TNRC6A: variants seen among roughly 807,000 people sequenced by gnomAD.
The protein encoded by TNRC6A is trinucleotide repeat-containing gene 6A protein.
TNRC6A carries 44 observed loss-of-function variants against 221.2 expected under a neutral mutation model. The observed-to-expected ratio is 0.20, with a 90% confidence interval of 0.16 to 0.26. The LOEUF is 0.26. Among genes scored for constraint, TNRC6A ranks in the 10% least tolerant of loss-of-function variants. TNRC6A has a pLI of 1.00. For synonymous variants in TNRC6A, 847 were observed against 838.5 expected (o/e 1.01, Z -0.18); for missense variants, 2,199 against 2,404.4 (o/e 0.91, Z 1.79).
At chr16:24,700,614 C>T (rs1272782661) in intron 2 of TNRC6A, among the ~76,000 whole-genome samples, 1 of 152,068 alleles carries the variant, frequency 6.6e-6, no homozygotes, top group Non-Finnish European at 1.5e-5. Context: ...CTTGCTGCAC[C>T]CCTGAACCCT....
chr16:24,675,698 CTCTCTATATATATATATATATA>C (rs1480518240), intron 2 of TNRC6A, among the ~76,000 whole-genome samples: 35 of 66,600 alleles, frequency 5.3e-4, no homozygotes, highest in African/African-American at 1.8e-3. Flanking sequence ...CTCTCTCTCT[CTCTCTATATATATATATATATA>C]TATATATATA....
chr16:24,744,007 C>T (rs2056949210), intron 2 of TNRC6A, among the ~76,000 whole-genome samples: 1 of 152,146 alleles, frequency 6.6e-6, no homozygotes, highest in African/African-American at 2.4e-5. Context: ...ATTTAGTTTT[C>T]ATGTTTGTTT....
At chr16:24,733,140 C>T (rs2056683100) in intron 2 of TNRC6A, among the ~76,000 whole-genome samples, 2 of 152,110 alleles carry the variant, frequency 1.3e-5, no homozygotes, top group African/African-American at 4.8e-5. Flanking sequence ...TTACTTGAAC[C>T]CTGGGAGCGG....
Position 24,806,761 on chromosome 16 carries a change from A to G in TNRC6A, c.4517A>G (p.Asn1506Ser). The G allele has an allele frequency of 1.2e-6, 2 of 1,614,162 alleles. No homozygotes were observed. Among genetic ancestry groups the G allele is most frequent in the Non-Finnish European group, 1.7e-6 (2 of 1,180,036 alleles). Residue 1506 changes from asparagine to serine, a missense_variant, in exon 17 of 25, where the codon AAT (asparagine) becomes AGT (serine). Physicochemically the swap from Asn to Ser is conservative, Grantham distance 46. Around this residue, in one of 8 missense-constraint regions of TNRC6A, gnomAD observed 449 missense variants for 579.7 expected, o/e 0.77. Coordinates refer to ENST00000395799, the MANE Select transcript of TNRC6A (RefSeq NM_014494.4). ...CTGCAAAAAGGGCCATCACCAATAA[A>G]TGCTTTCAGCAACTTCCCTATAGGT... ...PELQKGPSPI[N>S]AFSNFPIGLN... is the part of the protein sequence containing the mutation.
chr16:24,727,675 A>C (rs1464538437), upstream of TNRC6A, among the ~76,000 whole-genome samples: 1 of 152,210 alleles, frequency 6.6e-6, no homozygotes, highest in Non-Finnish European at 1.5e-5. Context: ...GACTGTTTTC[A>C]TTGCCTTATG....
At chr16:24,713,654 A>T (rs1019955058) in intron 2 of TNRC6A, among the ~76,000 whole-genome samples, 6 of 146,376 alleles carry the variant, frequency 4.1e-5, no homozygotes, top group East Asian at 2.2e-4. Context: ...GTTTAGTTTT[A>T]TTTTTTTTTT....
chr16:24,675,694 CTCTCTCTCTATATATATA>C (rs1338637949), intron 2 of TNRC6A, among the ~76,000 whole-genome samples: 5 of 81,122 alleles, frequency 6.2e-5, no homozygotes, highest in African/African-American at 1.5e-4. Context: ...CTCTCTCTCT[CTCTCTCTCTATATATATA>C]TATATATATA....
intron 2 of TNRC6A, chr16:24,664,011 T>C (rs188796866): frequency 2.2e-6 from 1 of 450,860 alleles, no homozygotes; most frequent in East Asian, 7.0e-5. Context: ...AACCCTGTAG[T>C]GAACAGAAGA....
intron 1 of TNRC6A, among the ~76,000 whole-genome samples, chr16:24,632,980 G>T (rs1457317520): frequency 6.8e-6 from 1 of 147,040 alleles, no homozygotes; most frequent in Non-Finnish European, 1.5e-5. Context: ...TTGCACTCCA[G>T]CCTGGGTGAC....
upstream of TNRC6A, among the ~76,000 whole-genome samples, chr16:24,728,681 G>C (rs1003981131): frequency 1.3e-5 from 2 of 152,120 alleles, no homozygotes; most frequent in Non-Finnish European, 2.9e-5. Flanking sequence ...TATGTGTATT[G>C]TTGTATCTAC....
intron 2 of TNRC6A, among the ~76,000 whole-genome samples, chr16:24,682,764 G>A (rs2055556982): frequency 6.6e-6 from 1 of 152,058 alleles, no homozygotes; most frequent in South Asian, 2.1e-4. Flanking sequence ...GAGAATAAAT[G>A]CCCCAAGCCC....
intron 4 of TNRC6A, among the ~76,000 whole-genome samples, chr16:24,771,582 T>TTATGTTTTATGTTATGTTATGTTA: frequency 4.2e-5 from 4 of 95,474 alleles, no homozygotes; most frequent in Non-Finnish European, 6.1e-5. Flanking sequence ...TTATGTTATG[T>TTATGTTTTATGTTATGTTATGTTA]TGTTATGTTA....
intron 2 of TNRC6A, among the ~76,000 whole-genome samples, chr16:24,691,959 T>C (rs2055764270): frequency 6.6e-6 from 1 of 152,140 alleles, no homozygotes; most frequent in Non-Finnish European, 1.5e-5. Context: ...GATATATTCA[T>C]ATATTATGTG....
intron 1 of TNRC6A, among the ~76,000 whole-genome samples, chr16:24,617,196 G>T (rs1050117219): frequency 9.4e-5 from 14 of 148,658 alleles, no homozygotes; most frequent in African/African-American, 1.2e-4. Flanking sequence ...TGCAATCATA[G>T]CTCACTCCAG....
chr16:24,617,067 T>C (rs1900392806), intron 1 of TNRC6A, among the ~76,000 whole-genome samples: 1 of 152,204 alleles, frequency 6.6e-6, no homozygotes, highest in Non-Finnish European at 1.5e-5. Flanking sequence ...GAGAGAAATG[T>C]GCCAAAATCT....
At chr16:24,705,976 T>C (rs548516306) in intron 2 of TNRC6A, among the ~76,000 whole-genome samples, 22 of 152,272 alleles carry the variant, frequency 1.4e-4, no homozygotes, top group African/African-American at 4.3e-4. Context: ...AAGTCTCTCA[T>C]AAACAATGAG....
intron 2 of TNRC6A, among the ~76,000 whole-genome samples, chr16:24,721,596 A>G (rs959940383): frequency 1.3e-5 from 2 of 152,140 alleles, no homozygotes; most frequent in Non-Finnish European, 2.9e-5. Flanking sequence ...GCTTGAGCCC[A>G]AAGAGTTTGA....
At chr16:24,629,024 G>A (rs1340188316) in intron 1 of TNRC6A, among the ~76,000 whole-genome samples, 1 of 152,044 alleles carries the variant, frequency 6.6e-6, no homozygotes, top group Non-Finnish European at 1.5e-5. Flanking sequence ...TAACTAACAT[G>A]CAATTTATTA....
intron 2 of TNRC6A, among the ~76,000 whole-genome samples, chr16:24,716,879 A>G (rs1446372559): frequency 6.7e-6 from 1 of 149,604 alleles, no homozygotes; most frequent in East Asian, 2.0e-4. Context: ...GATCACTTGA[A>G]CCTGGGGGCA....
Sources: gnomAD v4.1 joint callset for allele counts (sites outside exome capture counted in the v4.1 genomes callset) on GRCh38, gnomAD v4.1.1 for gene constraint, gnomAD v4.1.1 regional missense constraint, MANE v1.5 for transcripts, NCBI Gene and HGNC (gene_info 2026-07-23, HGNC 2026-07-21) for gene names.